The following PPFIBP2 variants were observed in gnomAD, a reference collection of about 807,000 sequenced individuals.
PPFIBP2 encodes the protein liprin-beta-2.
In PPFIBP2, 118 loss-of-function variants were observed where a neutral mutation model predicts 118.3. The ratio of observed to expected loss-of-function variants is 1.00; its 90% CI spans 0.86 to 1.16. PPFIBP2 has a LOEUF of 1.16. Ranked by LOEUF, PPFIBP2 falls within the 50% of genes most tolerant of loss-of-function variation. The pLI, the probability that PPFIBP2 is intolerant of heterozygous loss-of-function variation, is 0.00. For missense variants in PPFIBP2, 1,195 were observed against 1,073.1 expected, an observed-to-expected ratio of 1.11 and a Z score of -1.59; for synonymous variants, 414 against 397.4, an observed-to-expected ratio of 1.04 and a Z score of -0.50.
the PPFIBP2 span, chr11:7,665,424 G>A: frequency 6.2e-7 from 1 of 1,611,440 alleles, no homozygotes; most frequent in Non-Finnish European, 8.5e-7. Flanking sequence ...TCCAGGTTAG[G>A]GTGAGCCGCC....
At chr11:7,611,846 C>T (rs934977960) in intron 6 of PPFIBP2, among the ~76,000 whole-genome samples, 12 of 152,192 alleles carry the variant, frequency 7.9e-5, no homozygotes, top group African/African-American at 2.9e-4. Flanking sequence ...TTACATATTG[C>T]AAAGTTTATA....
intron 15 of PPFIBP2, among the ~76,000 whole-genome samples, chr11:7,640,737 G>A (rs569784828): frequency 1.8e-4 from 28 of 152,286 alleles, no homozygotes; most frequent in Middle Eastern, 6.8e-3. Flanking sequence ...GCTGCCTGTG[G>A]CCTGGAGTAT....
chr11:7,602,286 C>A (rs184225766), intron 5 of PPFIBP2, among the ~76,000 whole-genome samples: 1 of 152,188 alleles, frequency 6.6e-6, no homozygotes, highest in East Asian at 1.9e-4. Context: ...GAGGCCAGGG[C>A]CCAGAATTGT....
intron 3 of PPFIBP2, among the ~76,000 whole-genome samples, chr11:7,576,243 A>G (rs1590320572): frequency 1.3e-5 from 2 of 152,264 alleles, no homozygotes; most frequent in South Asian, 4.1e-4. Flanking sequence ...CCTTTGCCAC[A>G]GCAGAGCTCG....
chr11:7,663,682 C>G, the PPFIBP2 span, among the ~76,000 whole-genome samples: 172 of 152,354 alleles, frequency 1.1e-3, no homozygotes, highest in African/African-American at 3.5e-3. Flanking sequence ...CCACCCAGTT[C>G]GAGCTTCCCG....
chr11:7,614,441 T>C (rs1406298519), intron 6 of PPFIBP2, among the ~76,000 whole-genome samples: 3 of 152,232 alleles, frequency 2.0e-5, no homozygotes, highest in Non-Finnish European at 2.9e-5. Flanking sequence ...GTATGTTTTT[T>C]AAAACTTCCT....
At chr11:7,525,768 A>C (rs1451187084) in intron 1 of PPFIBP2, among the ~76,000 whole-genome samples, 1 of 152,208 alleles carries the variant, frequency 6.6e-6, no homozygotes, top group Non-Finnish European at 1.5e-5. Context: ...GCCTGGCTAC[A>C]TTAATTGAAG....
intron 2 of PPFIBP2, among the ~76,000 whole-genome samples, chr11:7,562,720 C>T (rs567453228): frequency 6.6e-6 from 1 of 151,766 alleles, no homozygotes; most frequent in South Asian, 2.1e-4. Flanking sequence ...TTTCTTCTTC[C>T]CTTAGTTTTC....
intron 5 of PPFIBP2, chr11:7,606,104 G>GCACT: frequency 7.1e-7 from 1 of 1,411,094 alleles, no homozygotes; most frequent in Non-Finnish European, 9.4e-7. Flanking sequence ...TAAGTGAAGA[G>GCACT]CACTGTCTTA....
intron 1 of PPFIBP2, among the ~76,000 whole-genome samples, chr11:7,532,727 T>A (rs1192321424): frequency 7.9e-5 from 12 of 152,228 alleles, no homozygotes; most frequent in Non-Finnish European, 1.2e-4. Flanking sequence ...GAGGCCAGGC[T>A]GTTGTTGACA....
chr11:7,549,609 C>CTTTTTTTT, intron 2 of PPFIBP2, 70 bp downstream of exon 2: 4 of 1,142,964 alleles, frequency 3.5e-6, no homozygotes, highest in Non-Finnish European at 4.6e-6. Context: ...TCTCCTTTTA[C>CTTTTTTTT]TTTTTTTTTT....
intron 6 of PPFIBP2, among the ~76,000 whole-genome samples, chr11:7,615,253 T>G (rs183893077): frequency 2.0e-5 from 3 of 151,714 alleles, no homozygotes; most frequent in African/African-American, 7.3e-5. Context: ...TGAGAATTGC[T>G]TGAACCTGGG....
intron 5 of PPFIBP2, among the ~76,000 whole-genome samples, chr11:7,607,376 A>AT (rs35087058): frequency 0.14 from 20,081 of 147,254 alleles, 1,755 homozygotes; most frequent in African/African-American, 0.25. Context: ...ACGGGTGCTA[A>AT]TTTTTTTTTT....
At chr11:7,651,170 C>A in intron 22 of PPFIBP2, 1 of 499,286 alleles carries the variant, frequency 2.0e-6, no homozygotes, top group Non-Finnish European at 3.5e-6. Context: ...CTTCTGGCAG[C>A]ACCTCCTTGG....
At position 7,536,276 on chromosome 11, in the gene PPFIBP2, A is replaced by C. The variant is rs376210412; in HGVS notation, c.-36-13164A>C. On this transcript the variant is annotated intron_variant, in intron 1 of 23. Transcript: ENST00000299492. ...GAACACAAGCGGCTGGCTGGATGAGAGCATGGCACGGGTGCACACGGATGA... is the reference window on the plus strand; with the variant it reads ...GAACACAAGCGGCTGGCTGGATGAGCGCATGGCACGGGTGCACACGGATGA... Among the ~76,000 whole-genome samples the C allele has an allele frequency of 2.0e-5, 3 of 152,044 alleles. No homozygotes were observed. In the East Asian group the frequency reaches 5.8e-4, roughly 30 times the overall value.
At chr11:7,620,638 C>T (rs958945050) in intron 6 of PPFIBP2, among the ~76,000 whole-genome samples, 20 of 152,324 alleles carry the variant, frequency 1.3e-4, no homozygotes, top group African/African-American at 4.3e-4. Context: ...TGCCTATACT[C>T]ATGTGTGTGA....
intron 1 of PPFIBP2, among the ~76,000 whole-genome samples, chr11:7,545,691 T>TAA (rs11380902): frequency 2.6e-5 from 4 of 151,862 alleles, no homozygotes; most frequent in African/African-American, 4.8e-5. Context: ...ACTACTATAA[T>TAA]AAAAAAAGTA....
intron 15 of PPFIBP2, 138 bp from the exon 16 acceptor site, chr11:7,641,341 G>T: frequency 2.1e-6 from 2 of 956,218 alleles, no homozygotes; most frequent in Non-Finnish European, 3.1e-6. Context: ...CTGGGATCTT[G>T]GTATGGAGTT....
At chr11:7,553,955 T>C (rs1464821186) in intron 2 of PPFIBP2, among the ~76,000 whole-genome samples, 1 of 152,332 alleles carries the variant, frequency 6.6e-6, no homozygotes, top group East Asian at 1.9e-4. Context: ...AGAGTGGTTT[T>C]GTTCTTGTCT....
Sources: allele counts gnomAD v4.1 joint callset (sites outside exome capture counted in the v4.1 genomes callset), GRCh38; gene constraint gnomAD v4.1.1; transcripts MANE v1.5; gene names NCBI Gene and HGNC (gene_info 2026-07-23, HGNC 2026-07-21).